EFR3A: variants seen among roughly 807,000 people sequenced by gnomAD.
EFR3A encodes the protein protein EFR3 homolog A.
Under a neutral mutation model 104.4 loss-of-function variants are expected in EFR3A, and 76 were observed. That is an observed-to-expected ratio of 0.73 (90% CI 0.60 to 0.88). The LOEUF (loss-of-function observed/expected upper bound fraction) is 0.88. EFR3A is among the 40% of genes least tolerant of loss of function. The probability of loss-of-function intolerance (pLI) is 0.00; values close to 1 mark genes in which losing one functional copy is unlikely to be tolerated. For missense variants in EFR3A, 985 were observed against 1,012.5 expected (o/e 0.97, Z 0.37); for synonymous variants, 330 against 330.0 (o/e 1.00, Z 0.00).
At chr8:131,981,274 A>C (rs923700094) in intron 14 of EFR3A, among the ~76,000 whole-genome samples, 1 of 152,036 alleles carries the variant, frequency 6.6e-6, no homozygotes, top group Non-Finnish European at 1.5e-5. Flanking sequence ...TTATTTTGCT[A>C]GTCAACCAAT....
chr8:131,973,165 A>G (rs1380838390), intron 10 of EFR3A, among the ~76,000 whole-genome samples: 1 of 151,562 alleles, frequency 6.6e-6, no homozygotes, highest in Admixed American at 6.6e-5. Context: ...AGATTGACTG[A>G]AAAGACAAAA....
intron 1 of EFR3A, among the ~76,000 whole-genome samples, chr8:131,906,132 G>C (rs1219086076): frequency 1.3e-5 from 2 of 152,184 alleles, no homozygotes; most frequent in Admixed American, 6.5e-5. Context: ...ACCAGTGTGA[G>C]GTGAATAGTG....
chr8:131,985,097 G>T (rs1820809160), intron 16 of EFR3A, 37 bp downstream of exon 16: 1 of 1,564,522 alleles, frequency 6.4e-7, no homozygotes. Flanking sequence ...CTTGAATTTT[G>T]TACAAAATTG....
chr8:131,923,001 A>G (rs1049205545), intron 1 of EFR3A, among the ~76,000 whole-genome samples: 4 of 152,178 alleles, frequency 2.6e-5, no homozygotes, highest in South Asian at 2.1e-4. Flanking sequence ...TGAGACAACA[A>G]TGTTCTCCGC....
At position 131,987,592 on chromosome 8, in the gene EFR3A, A is replaced by C; in HGVS notation, c.1955A>C (p.Glu652Ala). Residue 652 changes from glutamate to alanine, a missense_variant, in exon 18 of 23, where the codon GAG (glutamate) becomes GCG (alanine). Transcript: ENST00000254624. ...RDKCMLPKSL[E>A]KHEKDLYFLT... The stretch of plus-strand genomic sequence containing the variant: ...CTTCGCAGGCTTCCAAAATCTTTAG[A>C]GAAGCATGAAAAAGATTTGTACTTT... 1 of 1,596,364 alleles carries C rather than the reference A, an allele frequency of 6.3e-7. No homozygotes were observed. Among genetic ancestry groups the C allele is most frequent in the Non-Finnish European group, 8.5e-7 (1 of 1,170,522 alleles).
intron 1 of EFR3A, among the ~76,000 whole-genome samples, chr8:131,920,373 G>A (rs899535764): frequency 6.6e-6 from 1 of 152,156 alleles, no homozygotes; most frequent in Non-Finnish European, 1.5e-5. Context: ...GGTATGCAGG[G>A]AGTTTACCAG....
intron 22 of EFR3A, among the ~76,000 whole-genome samples, chr8:132,010,467 T>C (rs993543485): frequency 7.2e-6 from 1 of 138,934 alleles, no homozygotes; most frequent in African/African-American, 2.7e-5. Context: ...TACCATTCTG[T>C]CATCAAAAAA....
At chr8:131,939,379 C>G (rs746041858) in intron 1 of EFR3A, among the ~76,000 whole-genome samples, 1 of 152,116 alleles carries the variant, frequency 6.6e-6, no homozygotes, top group Non-Finnish European at 1.5e-5. Flanking sequence ...GCTTATCTGT[C>G]TCTCCTGGTA....
intron 8 of EFR3A, among the ~76,000 whole-genome samples, chr8:131,964,333 A>G (rs1380330072): frequency 1.3e-5 from 2 of 152,206 alleles, no homozygotes; most frequent in African/African-American, 2.4e-5. Context: ...CCATCATCTC[A>G]GCCCAAAATC....
rs34219220 is a variant in EFR3A at position 131,945,162 on chromosome 8, CACTT to C, written c.215+292_215+295del. Among the ~76,000 whole-genome samples the C allele has an allele frequency of 1.6e-3, 239 of 151,948 alleles. 1 individual carries two copies. The highest frequency in any genetic ancestry group is 5.4e-3 in the African/African-American group (225 of 41,456). Reference sequence around the variant, plus strand: ...TAATGGGAAATAGTAGAAATTGACTCACTTAGTCTATCAGTGCAATACTGTAATT... The same window carrying C: ...TAATGGGAAATAGTAGAAATTGACTCAGTCTATCAGTGCAATACTGTAATT... On this transcript the variant is annotated intron_variant, in intron 3 of 22. Coordinates refer to ENST00000254624, the MANE Select transcript of EFR3A (RefSeq NM_015137.6).
chr8:131,982,792 A>C (rs1177874964), intron 14 of EFR3A, among the ~76,000 whole-genome samples: 1 of 152,132 alleles, frequency 6.6e-6, no homozygotes, highest in Non-Finnish European at 1.5e-5. Context: ...CCCAATGCAT[A>C]GTTTTTTTTA....
intron 5 of EFR3A, among the ~76,000 whole-genome samples, chr8:131,950,564 C>T (rs1818646919): frequency 1.3e-5 from 2 of 152,102 alleles, no homozygotes; most frequent in East Asian, 3.9e-4. Context: ...TATTAAATGT[C>T]ACCTCTCTCA....
intron 1 of EFR3A, among the ~76,000 whole-genome samples, chr8:131,929,730 T>A (rs1817490341): frequency 6.6e-6 from 1 of 152,126 alleles, no homozygotes; most frequent in Non-Finnish European, 1.5e-5. Context: ...TTTTTCCCAT[T>A]TATGTATATT....
At chr8:131,954,483 T>C (rs2130623009) in intron 6 of EFR3A, among the ~76,000 whole-genome samples, 1 of 152,098 alleles carries the variant, frequency 6.6e-6, no homozygotes, top group Non-Finnish European at 1.5e-5. Context: ...TGTTTTAGGA[T>C]ATAGGCTTAT....
intron 1 of EFR3A, 69 bp from the exon 2 acceptor site, chr8:131,940,430 A>T (rs1226540366): frequency 1.1e-5 from 15 of 1,425,640 alleles, no homozygotes; most frequent in Non-Finnish European, 1.3e-5. Context: ...ATATTCAGAA[A>T]CTTGAATTTC....
intron 1 of EFR3A, among the ~76,000 whole-genome samples, chr8:131,934,352 C>T (rs976967218): frequency 1.3e-5 from 2 of 152,100 alleles, no homozygotes; most frequent in African/African-American, 4.8e-5. Flanking sequence ...CGGGAGTCCT[C>T]AGTATCCAGT....
At chr8:131,984,680 C>T (rs187156423) in intron 15 of EFR3A, among the ~76,000 whole-genome samples, 9 of 151,790 alleles carry the variant, frequency 5.9e-5, no homozygotes, top group East Asian at 5.8e-4. Context: ...TATGCATGTC[C>T]GTGTGTGTGT....
intron 22 of EFR3A, among the ~76,000 whole-genome samples, chr8:132,004,850 C>T (rs1316931657): frequency 6.6e-6 from 1 of 152,182 alleles, no homozygotes; most frequent in Non-Finnish European, 1.5e-5. Context: ...AGTCAAAATT[C>T]AAATCCATAA....
At chr8:131,969,626 T>C (rs1200066943) in intron 9 of EFR3A, among the ~76,000 whole-genome samples, 1 of 151,992 alleles carries the variant, frequency 6.6e-6, no homozygotes, top group Non-Finnish European at 1.5e-5. Context: ...GGACCAACTG[T>C]ATTCCTTTGT....
Sources: gnomAD v4.1 joint callset for allele counts (sites outside exome capture counted in the v4.1 genomes callset) on GRCh38, gnomAD v4.1.1 for gene constraint, MANE v1.5 for transcripts, NCBI Gene and HGNC (gene_info 2026-07-23, HGNC 2026-07-21) for gene names.